The following CLCA1 variants were observed in gnomAD, a reference collection of about 807,000 sequenced individuals.
CLCA1 encodes the protein chloride channel accessory 1.
Under a neutral mutation model 85.6 loss-of-function variants are expected in CLCA1, and 59 were observed. The ratio of observed to expected loss-of-function variants is 0.69; its 90% CI spans 0.56 to 0.86. CLCA1 has a LOEUF of 0.86. Among genes scored for constraint, CLCA1 ranks in the 40% least tolerant of loss-of-function variants. The pLI, the probability that CLCA1 is intolerant of heterozygous loss-of-function variation, is 0.00. For synonymous variants in CLCA1, 396 were observed against 398.3 expected, an observed-to-expected ratio of 0.99 and a Z score of 0.07; for missense variants, 1,022 against 1,101.4, an observed-to-expected ratio of 0.93 and a Z score of 1.02.
At chr1:86,478,636 T>A (rs1364001954) in intron 4 of CLCA1, among the ~76,000 whole-genome samples, 1 of 152,206 alleles carries the variant, frequency 6.6e-6, no homozygotes, top group Non-Finnish European at 1.5e-5. Context: ...CAGTTCTCTT[T>A]CCTAAGCTTC....
At chr1:86,493,255 C>T in intron 9 of CLCA1, 129 bp from the exon 10 acceptor site, 1 of 693,786 alleles carries the variant, frequency 1.4e-6, no homozygotes, top group Non-Finnish European at 2.5e-6. Context: ...TTGCTCCTAA[C>T]ACCAAATCAA....
intron 12 of CLCA1, among the ~76,000 whole-genome samples, chr1:86,497,210 C>G (rs1648314970): frequency 6.6e-6 from 1 of 152,156 alleles, no homozygotes; most frequent in Admixed American, 6.5e-5. Flanking sequence ...AGTGTTAGTG[C>G]CTGGCATAAC....
intron 4 of CLCA1, among the ~76,000 whole-genome samples, chr1:86,478,491 G>A (rs1286480122): frequency 2.6e-5 from 4 of 151,978 alleles, no homozygotes; most frequent in Non-Finnish European, 4.4e-5. Context: ...GCCATGCACA[G>A]CCTTCCTGAT....
chr1:86,497,658 T>C (rs1333336619), intron 12 of CLCA1, among the ~76,000 whole-genome samples: 1 of 152,106 alleles, frequency 6.6e-6, no homozygotes, highest in Non-Finnish European at 1.5e-5. Context: ...ACATAAAACA[T>C]TTTATTAAAA....
chr1:86,486,865 C>A (rs1647993769), intron 7 of CLCA1, 112 bp downstream of exon 7: 1 of 894,792 alleles, frequency 1.1e-6, no homozygotes, highest in Non-Finnish European at 1.8e-6. Flanking sequence ...ATGAGATAAC[C>A]AAGGAGCAAT....
intron 4 of CLCA1, among the ~76,000 whole-genome samples, chr1:86,480,801 C>T (rs902807129): frequency 1.3e-5 from 2 of 152,056 alleles, no homozygotes; most frequent in Non-Finnish European, 2.9e-5. Flanking sequence ...TAAATTCATG[C>T]AACTTTTCTG....
chr1:86,481,981 G>A (rs955516914), intron 4 of CLCA1, among the ~76,000 whole-genome samples: 7 of 152,168 alleles, frequency 4.6e-5, no homozygotes, highest in South Asian at 2.1e-4. Flanking sequence ...TTTCTGCTGC[G>A]TAGAAATACA....
rs4647854 is a variant in CLCA1, at chr1:86,489,118, C to T, written c.1305C>T (p.Val435=). The change falls in exon 8 of 14, where the codon GTC becomes GTT. Residue 435 remains valine (V), a synonymous_variant. Coordinates refer to ENST00000394711, the MANE Select transcript of CLCA1 (RefSeq NM_001285.4). ...AAAGTGGTGCCATCATCCACACAGT[C>T]GCTTTGGGGCCCTCTGCAGCTCAAG... ...VKQSGAIIHT[V]ALGPSAAQEL... 4.9e-5 allele frequency: 79 copies of T among 1,614,122 alleles called. No individual in the cohort carries two copies. Among genetic ancestry groups the T allele is most frequent in the East Asian group, 1.6e-4 (7 of 44,872 alleles).
At chr1:86,470,456 G>A (rs149324523) in intron 1 of CLCA1, among the ~76,000 whole-genome samples, 2 of 152,274 alleles carry the variant, frequency 1.3e-5, no homozygotes, top group African/African-American at 4.8e-5. Context: ...GCTAGACAGT[G>A]GGGTTCAGCA....
At chr1:86,477,882 C>A (rs1198913850) in intron 4 of CLCA1, among the ~76,000 whole-genome samples, 1 of 152,182 alleles carries the variant, frequency 6.6e-6, no homozygotes, top group African/African-American at 2.4e-5. Flanking sequence ...TGGTACAACA[C>A]CCTCTCCATG....
chr1:86,489,165 T>G lies in CLCA1; in HGVS notation c.1352T>G (p.Met451Arg), dbSNP rs192875168. 17 of 1,613,592 alleles carry G rather than the reference T, an allele frequency of 1.1e-5. No homozygotes were observed. Among genetic ancestry groups the G allele is most frequent in the Non-Finnish European group, 1.4e-5 (16 of 1,179,764 alleles). Residue 451 changes from methionine to arginine, a missense_variant, in exon 8 of 14, where the codon ATG becomes AGG. By Grantham distance (91) the Met-to-Arg change is moderately conservative. Transcript: ENST00000394711. ...CAAGAACTAGAGGAGCTGTCCAAAATGACAGGTGAGGGATGATTTGCTGAG... is the reference window on the plus strand; with the variant it reads ...CAAGAACTAGAGGAGCTGTCCAAAAGGACAGGTGAGGGATGATTTGCTGAG... ...AAQELEELSK[M>R]TGGLQTYASD...
rs757528067 is a variant in CLCA1, at chr1:86,498,558, T to C, written c.2114-14T>C. 6.2e-7 allele frequency: 1 copy of C among 1,606,802 alleles called. No homozygotes were observed. The highest frequency in any genetic ancestry group is 8.5e-7 in the Non-Finnish European group (1 of 1,174,016). On this transcript the variant is annotated splice_polypyrimidine_tract_variant and intron_variant, in intron 12 of 13. Coordinates refer to ENST00000394711, the MANE Select transcript of CLCA1 (RefSeq NM_001285.4). ...GATGTTGCTTACCATATTTTGAGTA[T>C]TTTTTTAATGCAGATGAAATACAAT... is the stretch of plus-strand genomic sequence containing the variant.
intron 8 of CLCA1, among the ~76,000 whole-genome samples, chr1:86,490,317 C>T (rs996895696): frequency 3.9e-5 from 6 of 152,216 alleles, no homozygotes; most frequent in Admixed American, 2.0e-4. Flanking sequence ...GGGGCATCAA[C>T]AGCCTTACTG....
intron 3 of CLCA1, 62 bp downstream of exon 3, chr1:86,473,938 A>G (rs936519686): frequency 1.2e-5 from 15 of 1,224,780 alleles, no homozygotes; most frequent in Non-Finnish European, 1.6e-5. Flanking sequence ...AAGTGTATCA[A>G]CACTAGCATT....
In CLCA1 at chr1:86,486,629, C is replaced by A. The variant is rs774797303; in HGVS notation, c.1058C>A (p.Ala353Asp). Reference protein sequence around the residue: ...WVGMVTFDSAAHVQNELIQIN... With the variant: ...WVGMVTFDSADHVQNELIQIN... Reference sequence around the variant, plus strand: ...GGGATGGTGACATTTGACAGTGCTGCCCATGTACAAAATGAACTCATACAG... The same window carrying A: ...GGGATGGTGACATTTGACAGTGCTGACCATGTACAAAATGAACTCATACAG... Residue 353 changes from alanine (A) to aspartate (D), a missense_variant, in exon 7 of 14, where the codon GCC becomes GAC. By Grantham distance (126) the Ala-to-Asp change is moderately radical (BLOSUM62 -2). Transcript: ENST00000394711. 6.2e-7 allele frequency: 1 copy of A among 1,613,968 alleles called. No homozygotes were observed. Among genetic ancestry groups the A allele is most frequent in the Non-Finnish European group, 8.5e-7 (1 of 1,180,000 alleles).
rs1353055343 is a variant in CLCA1, at chr1:86,493,576, C to T, written c.1657C>T (p.Leu553Phe). 4.3e-6 allele frequency: 7 copies of T among 1,613,836 alleles called. No homozygotes were observed. The highest frequency in any genetic ancestry group is 3.3e-5 in the South Asian group (3 of 91,086). ...GGACAAAAACACCAAAATGGCCTAC[C>T]TCCAAATCCCAGGCATTGCTAAGGT... ...VVDKNTKMAY[L>F]QIPGIAKVGT... The change falls in exon 10 of 14, where the codon CTC becomes TTC. Residue 553 changes from leucine (L) to phenylalanine (F), a missense_variant. Transcript: ENST00000394711.
chr1:86,488,377 TA>T (rs1052173637), intron 7 of CLCA1, among the ~76,000 whole-genome samples: 1 of 152,100 alleles, frequency 6.6e-6, no homozygotes, highest in African/African-American at 2.4e-5. Context: ...TATAAAAAAA[TA>T]AATAAATAAT....
chr1:86,497,464 GA>G (rs1374456651), intron 12 of CLCA1, among the ~76,000 whole-genome samples: 1 of 152,180 alleles, frequency 6.6e-6, no homozygotes, highest in Non-Finnish European at 1.5e-5. Context: ...TTATTGAAAA[GA>G]AAAGAGAACC....
chr1:86,474,150 G>T (rs1318191553), intron 3 of CLCA1, among the ~76,000 whole-genome samples: 2 of 152,142 alleles, frequency 1.3e-5, no homozygotes, highest in Non-Finnish European at 1.5e-5. Context: ...AACTGTAAAA[G>T]AATTTAATTT....
Sources: allele counts gnomAD v4.1 joint callset (sites outside exome capture counted in the v4.1 genomes callset), GRCh38; gene constraint gnomAD v4.1.1; transcripts MANE v1.5; gene names NCBI Gene and HGNC (gene_info 2026-07-23, HGNC 2026-07-21).